Variants in FAM20A observed in about 807,000 individuals in gnomAD.
FAM20A encodes FAM20A golgi associated secretory pathway pseudokinase, also known as pseudokinase FAM20A.
Under a neutral mutation model 52.0 loss-of-function variants are expected in FAM20A, and 42 were observed. That is an observed-to-expected ratio of 0.81 (90% CI 0.63 to 1.04). The LOEUF (loss-of-function observed/expected upper bound fraction) is 1.04. Among genes scored for constraint, FAM20A ranks in the 50% least tolerant of loss-of-function variants. The pLI, the probability that FAM20A is intolerant of heterozygous loss-of-function variation, is 0.00. For synonymous variants in FAM20A, 304 were observed against 298.9 expected, an observed-to-expected ratio of 1.02 and a Z score of -0.18; for missense variants, 742 against 712.7, an observed-to-expected ratio of 1.04 and a Z score of -0.47.
intron 1 of FAM20A, among the ~76,000 whole-genome samples, chr17:68,585,356 C>T (rs1476157326): frequency 2.0e-5 from 3 of 152,182 alleles, no homozygotes; most frequent in African/African-American, 7.2e-5. Flanking sequence ...CCTCTGCCTC[C>T]CACACTTCCG....
intron 1 of FAM20A, among the ~76,000 whole-genome samples, chr17:68,585,451 AT>A (rs11301516): frequency 0.79 from 119,274 of 150,462 alleles, 47,513 homozygotes; most frequent in East Asian, 0.92. Context: ...GGCTTTATTT[AT>A]TTTTTTTTTA....
rs1297334810 is a variant in FAM20A at position 68,535,622 on chromosome 17, A to G, written c.*1855T>C. ...CAGTAGGGCCACAACAGTTAAGGAA[A>G]TCTTTGGGATTAAGGTTTCTCTGTT... is the stretch of plus-strand genomic sequence containing the variant. On this transcript the variant is annotated 3_prime_UTR_variant, in exon 11 of 11. Coordinates refer to ENST00000592554, the MANE Select transcript of FAM20A (RefSeq NM_017565.4). 4.4e-6 allele frequency: 2 copies of G among 453,938 alleles called. No individual in the cohort carries two copies. Among genetic ancestry groups the G allele is most frequent in the African/African-American group, 2.0e-5 (1 of 49,990 alleles). 28.1% of individuals were successfully genotyped at this position (453,938 alleles called of 1,614,324 possible). A position where few individuals can be genotyped will look rare whatever the true frequency, so the allele number is the denominator to read the frequency against.
At chr17:68,575,580 T>TATTTTATATATTATATAA (rs1568767375) in intron 1 of FAM20A, among the ~76,000 whole-genome samples, 15 of 80,654 alleles carry the variant, frequency 1.9e-4, no homozygotes, top group South Asian at 6.8e-4. Flanking sequence ...ATATAATATA[T>TATTTTATATATTATATAA]TCTATATTTT....
intron 5 of FAM20A, 45 bp from the exon 6 acceptor site, chr17:68,542,854 G>T: frequency 2.7e-6 from 4 of 1,457,054 alleles, no homozygotes; most frequent in Non-Finnish European, 2.9e-6. Context: ...TGATCAGGGA[G>T]TGAGGAGGAG....
At chr17:68,599,180 T>C in intron 1 of FAM20A, among the ~76,000 whole-genome samples, 1 of 152,154 alleles carries the variant, frequency 6.6e-6, no homozygotes, top group Non-Finnish European at 1.5e-5. Flanking sequence ...TTGGCCCAGC[T>C]CTGAGTTTCA....
intron 1 of FAM20A, among the ~76,000 whole-genome samples, chr17:68,564,146 C>CA (rs947983799): frequency 1.3e-4 from 15 of 117,236 alleles, no homozygotes; most frequent in African/African-American, 6.1e-4. Context: ...TGTGATCCTG[C>CA]AGCCCCCCAC....
chr17:68,577,286 A>T (rs1736276999), intron 1 of FAM20A, among the ~76,000 whole-genome samples: 1 of 152,194 alleles, frequency 6.6e-6, no homozygotes, highest in Non-Finnish European at 1.5e-5. Context: ...TACATGACAC[A>T]TTTTGGGAAA....
intron 1 of FAM20A, among the ~76,000 whole-genome samples, chr17:68,569,267 G>A (rs774151910): frequency 2.6e-5 from 4 of 152,030 alleles, no homozygotes; most frequent in Admixed American, 6.6e-5. Context: ...ACCGAATTGT[G>A]TAGATGTTAC....
chr17:68,578,662 A>G (rs561974542), intron 1 of FAM20A, among the ~76,000 whole-genome samples: 8 of 152,054 alleles, frequency 5.3e-5, no homozygotes, highest in African/African-American at 1.7e-4. Context: ...TTAGACAGGT[A>G]GCCAGGCTTC....
At chr17:68,556,760 A>G (rs1469389349) in intron 1 of FAM20A, among the ~76,000 whole-genome samples, 1 of 152,042 alleles carries the variant, frequency 6.6e-6, no homozygotes, top group Admixed American at 6.5e-5. Flanking sequence ...AATTAGTATG[A>G]TGTCATCTGG....
At chr17:68,541,018 TC>T (rs964743559) in intron 7 of FAM20A, 60 bp from the exon 8 acceptor site, 1 of 1,546,880 alleles carries the variant, frequency 6.5e-7, no homozygotes, top group Non-Finnish European at 8.7e-7. Flanking sequence ...GTCGGGGGTC[TC>T]CCCACACCTC....
chr17:68,586,901 T>TC (rs961327476), intron 1 of FAM20A, among the ~76,000 whole-genome samples: 2 of 152,140 alleles, frequency 1.3e-5, no homozygotes, highest in African/African-American at 4.8e-5. Flanking sequence ...TCTTTTTTTT[T>TC]TTCCTTTTGA....
At chr17:68,579,604 G>A (rs11654873) in intron 1 of FAM20A, among the ~76,000 whole-genome samples, 33,987 of 152,028 alleles carry the variant, frequency 0.22, 4,153 homozygotes, top group East Asian at 0.45. Context: ...TAGAGCAACA[G>A]CTTAATCCTG....
intron 1 of FAM20A, among the ~76,000 whole-genome samples, chr17:68,597,095 A>G (rs1049381018): frequency 6.6e-6 from 1 of 152,148 alleles, no homozygotes; most frequent in Admixed American, 6.5e-5. Flanking sequence ...TCAAAAAGGA[A>G]CGTGTGGGTG....
intron 4 of FAM20A, among the ~76,000 whole-genome samples, chr17:68,544,940 C>T (rs922379894): frequency 6.6e-6 from 1 of 152,186 alleles, no homozygotes; most frequent in African/African-American, 2.4e-5. Flanking sequence ...TAGATCAGTG[C>T]TTCTCATACT....
chr17:68,566,490 C>G (rs889689976), intron 1 of FAM20A, among the ~76,000 whole-genome samples: 9 of 152,120 alleles, frequency 5.9e-5, no homozygotes, highest in Non-Finnish European at 1.0e-4. Flanking sequence ...CAAATATGGT[C>G]TTTTTCAGAG....
In FAM20A at chr17:68,600,026, G is replaced by T. The variant is rs1011411709; in HGVS notation, c.404+237C>A. Among the ~76,000 whole-genome samples, 1 of 152,338 alleles carries T rather than the reference G, an allele frequency of 6.6e-6. No individual in the cohort carries two copies. Among genetic ancestry groups the T allele is most frequent in the East Asian group, 1.9e-4 (1 of 5,178 alleles). On this transcript the variant is annotated intron_variant, in intron 1 of 10. Coordinates refer to ENST00000592554, the MANE Select transcript of FAM20A (RefSeq NM_017565.4). This position sits in a 1 kb window ranked among gnomAD's most constrained non-coding sequence, Gnocchi z 6.2. ...AAGGGGCTGAGAGCGTTTCTTCGCT[G>T]TGCGGCTGCAATAGAAACTTTTTCC...
chr17:68,564,383 A>G (rs960426469), intron 1 of FAM20A, among the ~76,000 whole-genome samples: 1 of 152,222 alleles, frequency 6.6e-6, no homozygotes, highest in Admixed American at 6.5e-5. Flanking sequence ...ACTTATAAAG[A>G]TGAGAGACCA....
intron 7 of FAM20A, 165 bp downstream of exon 7, chr17:68,541,820 G>T (rs2086309805): frequency 1.0e-5 from 8 of 768,422 alleles, no homozygotes; most frequent in Non-Finnish European, 1.7e-5. Flanking sequence ...TGAACTAAAG[G>T]GGAGAACAGA....
Sources: allele counts gnomAD v4.1 joint callset (sites outside exome capture counted in the v4.1 genomes callset), GRCh38; gene constraint gnomAD v4.1.1; non-coding constraint Gnocchi (gnomAD v3.1); transcripts MANE v1.5; gene names NCBI Gene and HGNC (gene_info 2026-07-23, HGNC 2026-07-21).